Variants in CENPP observed in about 807,000 individuals in gnomAD.
CENPP encodes the protein centromere protein P.
CENPP carries 24 observed loss-of-function variants against 35.6 expected under a neutral mutation model. The observed-to-expected ratio is 0.67, with a 90% CI of 0.49 to 0.95. The LOEUF (loss-of-function observed/expected upper bound fraction) is 0.95, where lower values mean the gene tolerates loss of function less well. CENPP is among the 40% of genes least tolerant of loss of function. The probability of loss-of-function intolerance (pLI) is 0.00; values close to 1 mark genes in which losing one functional copy is unlikely to be tolerated. For missense variants in CENPP, 332 were observed against 345.3 expected (o/e 0.96, Z 0.31); for synonymous variants, 120 against 125.5 (o/e 0.96, Z 0.29).
intron 4 of CENPP, among the ~76,000 whole-genome samples, chr9:92,357,880 A>G (rs1841635214): frequency 3.9e-5 from 6 of 151,972 alleles, no homozygotes. Flanking sequence ...AGCACTTTGA[A>G]TATATGACCT....
At chr9:92,405,559 T>C (rs1424734856) in intron 5 of CENPP, among the ~76,000 whole-genome samples, 3 of 152,186 alleles carry the variant, frequency 2.0e-5, no homozygotes, top group Non-Finnish European at 4.4e-5. Flanking sequence ...CTTGAGTTGA[T>C]ATAAATTGTT....
intron 5 of CENPP, among the ~76,000 whole-genome samples, chr9:92,597,373 G>A (rs980099680): frequency 3.9e-5 from 6 of 152,200 alleles, no homozygotes; most frequent in South Asian, 4.2e-4. Flanking sequence ...CCTCAAGAAC[G>A]CCTGCCAATC....
intron 5 of CENPP, among the ~76,000 whole-genome samples, chr9:92,451,665 T>C (rs1444305859): frequency 6.6e-6 from 1 of 151,940 alleles, no homozygotes; most frequent in Non-Finnish European, 1.5e-5. Flanking sequence ...GGGGATGGCA[T>C]TGAATCTATA....
At chr9:92,580,899 G>A (rs1006881578) in intron 5 of CENPP, among the ~76,000 whole-genome samples, 3 of 152,146 alleles carry the variant, frequency 2.0e-5, no homozygotes, top group Admixed American at 2.0e-4. Context: ...ATGTTAGGGT[G>A]TCAATTTTGG....
intron 5 of CENPP, among the ~76,000 whole-genome samples, chr9:92,534,882 C>A (rs1849071697): frequency 6.6e-6 from 1 of 152,138 alleles, no homozygotes; most frequent in Non-Finnish European, 1.5e-5. Flanking sequence ...GACCTTCCAT[C>A]CTGTTGTGAG....
At chr9:92,518,019 C>A in intron 5 of CENPP, 1 of 965,788 alleles carries the variant, frequency 1.0e-6, no homozygotes, top group African/African-American at 1.6e-5. Flanking sequence ...GTAAAGATGT[C>A]GTATAGACAT....
At chr9:92,459,625 G>A (rs1305598819) in intron 5 of CENPP, 1 of 1,611,478 alleles carries the variant, frequency 6.2e-7, no homozygotes, top group Non-Finnish European at 8.5e-7. Flanking sequence ...CAAGTAGAAT[G>A]TTTTACCTGG....
intron 5 of CENPP, among the ~76,000 whole-genome samples, chr9:92,546,957 A>G (rs775630256): frequency 1.3e-5 from 2 of 152,192 alleles, no homozygotes; most frequent in Non-Finnish European, 1.5e-5. Context: ...GCATAACTAT[A>G]TTACAAACTG....
chr9:92,527,876 A>G lies in CENPP; in HGVS notation c.565-83438A>G, dbSNP rs553719472. 9 of 154,344 alleles carry G rather than the reference A, an allele frequency of 5.8e-5. No homozygotes were observed. In the South Asian group the frequency reaches 1.4e-3, roughly 24 times the overall value. The allele number at this position is 154,344 out of a possible 1,614,324, so 9.6% of individuals were successfully genotyped here. A position where few individuals can be genotyped will look rare whatever the true frequency, so the allele number is the denominator to read the frequency against. On this transcript the variant is annotated intron_variant, in intron 5 of 7. Coordinates refer to ENST00000375587, the MANE Select transcript of CENPP (RefSeq NM_001012267.3). Reference sequence around the variant, plus strand: ...CATACAGTATATCACCTGAAGGCCAAGAAAATGAGCATGGTTTTGTGGAGA... The same window carrying G: ...CATACAGTATATCACCTGAAGGCCAGGAAAATGAGCATGGTTTTGTGGAGA...
In CENPP at chr9:92,613,035, G is replaced by A; in HGVS notation, c.753G>A (p.Lys251=). The change falls in exon 8 of 8, where the codon AAG becomes AAA. Residue 251 remains lysine, a synonymous_variant. Coordinates refer to ENST00000375587, the MANE Select transcript of CENPP (RefSeq NM_001012267.3). ...KVPQRALELD[K]NRAIETAPLS... ...TCTTTATAGCCCTGGAGCTGGACAA[G>A]AACAGAGCCATAGAAACTGCTCCTC... 1 of 1,614,200 alleles carries A rather than the reference G, an allele frequency of 6.2e-7. No homozygotes were observed. Among genetic ancestry groups the A allele is most frequent in the Middle Eastern group, 1.6e-4 (1 of 6,062 alleles).
At chr9:92,438,616 T>C (rs1844304043) in intron 5 of CENPP, among the ~76,000 whole-genome samples, 2 of 152,256 alleles carry the variant, frequency 1.3e-5, no homozygotes, top group Non-Finnish European at 2.9e-5. Context: ...TATTAAGATT[T>C]CATAATGATT....
At chr9:92,595,300 G>A (rs1850752598) in intron 5 of CENPP, among the ~76,000 whole-genome samples, 1 of 152,106 alleles carries the variant, frequency 6.6e-6, no homozygotes. Flanking sequence ...AGAGTGCATT[G>A]GCACAAACAT....
At chr9:92,454,715 T>G (rs1015804333) in intron 5 of CENPP, among the ~76,000 whole-genome samples, 2 of 152,196 alleles carry the variant, frequency 1.3e-5, no homozygotes, top group Non-Finnish European at 2.9e-5. Context: ...CATAGCAACC[T>G]TGTTCAGTGT....
intron 5 of CENPP, among the ~76,000 whole-genome samples, chr9:92,383,663 A>G (rs937021254): frequency 6.6e-6 from 1 of 152,136 alleles, no homozygotes; most frequent in Non-Finnish European, 1.5e-5. Flanking sequence ...AAGGTTGTGT[A>G]TATGAAGGTG....
chr9:92,475,252 A>G (rs998583124), intron 5 of CENPP, among the ~76,000 whole-genome samples: 1 of 152,236 alleles, frequency 6.6e-6, no homozygotes, highest in African/African-American at 2.4e-5. Context: ...GTAAAATAAA[A>G]GAGTATATTT....
At chr9:92,457,034 C>T in intron 5 of CENPP, 2 of 1,226,368 alleles carry the variant, frequency 1.6e-6, no homozygotes, top group South Asian at 2.5e-5. Context: ...AATGGTCAAG[C>T]ATGAGATTTA....
At chr9:92,451,407 A>G (rs1236596154) in intron 5 of CENPP, among the ~76,000 whole-genome samples, 1 of 144,026 alleles carries the variant, frequency 6.9e-6, no homozygotes, top group Non-Finnish European at 1.5e-5. Context: ...AGATAGTTGT[A>G]GATATGCGGC....
intron 5 of CENPP, among the ~76,000 whole-genome samples, chr9:92,513,292 G>A (rs331371): frequency 1 from 152,305 of 152,306 alleles, 76,152 homozygotes; most frequent in Middle Eastern, 1. Context: ...AAGGAAGGGA[G>A]AAAACAACTG....
intron 4 of CENPP, among the ~76,000 whole-genome samples, chr9:92,378,907 C>G (rs1842183595): frequency 6.6e-6 from 1 of 152,086 alleles, no homozygotes; most frequent in Non-Finnish European, 1.5e-5. Context: ...CAGTTCAGTT[C>G]TCACACTAAC....
Sources: allele counts gnomAD v4.1 joint callset (sites outside exome capture counted in the v4.1 genomes callset), GRCh38; gene constraint gnomAD v4.1.1; transcripts MANE v1.5; gene names NCBI Gene and HGNC (gene_info 2026-07-23, HGNC 2026-07-21).